Variants in CTNNA2 observed in about 807,000 individuals in gnomAD.
CTNNA2 encodes catenin alpha 2, also known as catenin alpha-2.
Under a neutral mutation model 101.0 loss-of-function variants are expected in CTNNA2, and 42 were observed. The ratio of observed to expected loss-of-function variants is 0.42; its 90% CI spans 0.32 to 0.54. The LOEUF (loss-of-function observed/expected upper bound fraction) is 0.54, where lower values mean the gene tolerates loss of function less well. CTNNA2 is among the 20% of genes least tolerant of loss of function. The probability of loss-of-function intolerance (pLI) is 0.14; values close to 1 mark genes in which losing one functional copy is unlikely to be tolerated. For synonymous variants in CTNNA2, 450 were observed against 456.4 expected (o/e 0.99, Z 0.18); for missense variants, 871 against 1,223.1 (o/e 0.71, Z 4.29).
intron 2 of CTNNA2, among the ~76,000 whole-genome samples, chr2:79,291,540 C>T (rs1490986298): frequency 6.6e-6 from 1 of 152,158 alleles, no homozygotes; most frequent in Non-Finnish European, 1.5e-5. Context: ...TCATTTCCTC[C>T]CAGGAGCCAT....
intron 4 of CTNNA2, among the ~76,000 whole-genome samples, chr2:79,858,687 C>CCCAT (rs1057232731): frequency 5.9e-5 from 9 of 152,052 alleles, no homozygotes; most frequent in African/African-American, 1.9e-4. Flanking sequence ...AAAAAGGGGC[C>CCCAT]CCATCCACAA....
chr2:79,495,590 C>T (rs866291540), intron 4 of CTNNA2, among the ~76,000 whole-genome samples: 2 of 152,102 alleles, frequency 1.3e-5, no homozygotes, highest in South Asian at 2.1e-4. Context: ...AGAGTTACCA[C>T]GTGACCAGGC....
chr2:80,228,763 AG>A (rs1709035110), intron 7 of CTNNA2, among the ~76,000 whole-genome samples: 1 of 152,178 alleles, frequency 6.6e-6, no homozygotes, highest in Non-Finnish European at 1.5e-5. Flanking sequence ...GACAAAATAG[AG>A]GGGTAAAGCT....
chr2:80,377,587 G>T (rs1318012759), intron 7 of CTNNA2, among the ~76,000 whole-genome samples: 1 of 152,216 alleles, frequency 6.6e-6, no homozygotes, highest in African/African-American at 2.4e-5. Context: ...GAGCATGAAG[G>T]TTGAGGAGGT....
At chr2:79,283,657 T>A (rs377364567) in intron 2 of CTNNA2, among the ~76,000 whole-genome samples, 1 of 116,586 alleles carries the variant, frequency 8.6e-6, no homozygotes, top group African/African-American at 2.9e-5. Context: ...TTTTGGTTAC[T>A]GTAGCCTTGT....
At chr2:79,592,695 A>T (rs7560858) in intron 1 of CTNNA2, among the ~76,000 whole-genome samples, 93,807 of 152,072 alleles carry the variant, frequency 0.62, 30,443 homozygotes, top group South Asian at 0.73. Context: ...CAGTGAAAAA[A>T]GTTTATAATC....
chr2:79,535,103 T>G (rs567312335), intron 1 of CTNNA2, among the ~76,000 whole-genome samples: 4 of 152,298 alleles, frequency 2.6e-5, no homozygotes, highest in Non-Finnish European at 5.9e-5. Flanking sequence ...GCAAAAAAAT[T>G]TAACATATGA....
rs577901520 is a variant in CTNNA2 at position 80,137,956 on chromosome 2, G to A, written c.1056+228159G>A. On this transcript the variant is annotated intron_variant, in intron 7 of 18. Coordinates refer to ENST00000402739, the MANE Select transcript of CTNNA2 (RefSeq NM_001282597.3). The stretch of plus-strand genomic sequence containing the variant: ...TAAGATGGAAGAATTAGCTGTTAGA[G>A]CTACAGGTCATTCTGGTGGCATATG... Among the ~76,000 whole-genome samples, 4 of 152,246 alleles carry A rather than the reference G, an allele frequency of 2.6e-5. No individual in the cohort carries two copies. In the South Asian group the frequency reaches 8.3e-4, roughly 32 times the overall value.
At chr2:79,651,190 G>T (rs1681222498) in intron 1 of CTNNA2, among the ~76,000 whole-genome samples, 2 of 152,088 alleles carry the variant, frequency 1.3e-5, no homozygotes, top group South Asian at 2.1e-4. Context: ...CCCATATTTG[G>T]CTATCTCTAA....
intron 7 of CTNNA2, among the ~76,000 whole-genome samples, chr2:80,205,680 A>G (rs976781834): frequency 6.6e-6 from 1 of 152,170 alleles, no homozygotes; most frequent in Non-Finnish European, 1.5e-5. Flanking sequence ...TTTTGGTGTT[A>G]ACTTACTGCC....
intron 1 of CTNNA2, chr2:79,547,804 A>G (rs1673833143): frequency 6.5e-6 from 1 of 152,748 alleles, no homozygotes; most frequent in South Asian, 2.1e-4. Context: ...CACACTGATT[A>G]CATATATACA....
intron 7 of CTNNA2, among the ~76,000 whole-genome samples, chr2:80,013,730 C>T (rs1558728527): frequency 1.3e-5 from 2 of 152,274 alleles, no homozygotes; most frequent in East Asian, 3.9e-4. Flanking sequence ...GTCAAGCATG[C>T]TCTCCCACAT....
chr2:79,345,324 T>C (rs370120985), intron 3 of CTNNA2, among the ~76,000 whole-genome samples: 189 of 152,292 alleles, frequency 1.2e-3, no homozygotes, highest in African/African-American at 4.3e-3. Flanking sequence ...TATTTTTCAG[T>C]GTTTCATATT....
At chr2:80,447,291 G>T (rs1306061552) in intron 9 of CTNNA2, among the ~76,000 whole-genome samples, 1 of 152,022 alleles carries the variant, frequency 6.6e-6, no homozygotes, top group East Asian at 1.9e-4. Flanking sequence ...AAATCTTTTG[G>T]GTAATATGTG....
chr2:80,160,771 C>A (rs1365993890), intron 7 of CTNNA2, among the ~76,000 whole-genome samples: 1 of 151,818 alleles, frequency 6.6e-6, no homozygotes, highest in Non-Finnish European at 1.5e-5. Context: ...ATTTCCTTTT[C>A]TTGCCTTATT....
intron 3 of CTNNA2, among the ~76,000 whole-genome samples, chr2:79,759,577 A>G (rs1444258483): frequency 6.6e-6 from 1 of 152,054 alleles, no homozygotes; most frequent in Non-Finnish European, 1.5e-5. Flanking sequence ...GTTGCATCAC[A>G]TAAAGTTGAG....
chr2:79,602,945 G>A (rs1474876743), intron 1 of CTNNA2, among the ~76,000 whole-genome samples: 1 of 152,138 alleles, frequency 6.6e-6, no homozygotes, highest in Non-Finnish European at 1.5e-5. Context: ...TTCATAGACT[G>A]TGGTAAGACG....
chr2:80,444,316 C>T (rs1156917989), intron 9 of CTNNA2, among the ~76,000 whole-genome samples: 1 of 152,148 alleles, frequency 6.6e-6, no homozygotes, highest in Non-Finnish European at 1.5e-5. Flanking sequence ...AAGGAGACTA[C>T]TTCTGCTAGG....
chr2:79,541,517 A>G (rs1029893878), intron 1 of CTNNA2, among the ~76,000 whole-genome samples: 1 of 151,240 alleles, frequency 6.6e-6, no homozygotes, highest in East Asian at 1.9e-4. Context: ...AGAGTGAAAT[A>G]TTTGCCATAT....
Sources: gnomAD v4.1 joint callset for allele counts (sites outside exome capture counted in the v4.1 genomes callset) on GRCh38, gnomAD v4.1.1 for gene constraint, MANE v1.5 for transcripts, NCBI Gene and HGNC (gene_info 2026-07-23, HGNC 2026-07-21) for gene names.